The following SLC25A20 variants were observed in gnomAD, a reference collection of about 807,000 sequenced individuals.
The protein encoded by SLC25A20 is solute carrier family 25 member 20.
In SLC25A20, 29 loss-of-function variants were observed where a neutral mutation model predicts 39.7. That is an observed-to-expected ratio of 0.73 (90% CI 0.54 to 1.00). The LOEUF is 1.00. Among genes scored for constraint, SLC25A20 ranks in the 50% least tolerant of loss-of-function variants. The pLI is 0.00. For synonymous variants in SLC25A20, 103 were observed against 142.2 expected (o/e 0.72, Z 1.96); for missense variants, 333 against 379.9 (o/e 0.88, Z 1.03).
At chr3:48,875,703 C>T (rs74781310) in intron 4 of SLC25A20, among the ~76,000 whole-genome samples, 73 of 152,296 alleles carry the variant, frequency 4.8e-4, no homozygotes, top group Middle Eastern at 3.4e-3. Context: ...AGCCACTGTG[C>T]CTGGCCAATG....
intron 8 of SLC25A20, 84 bp downstream of exon 8, chr3:48,858,423 C>T: frequency 6.3e-7 from 1 of 1,591,984 alleles, no homozygotes; most frequent in Non-Finnish European, 8.6e-7. Flanking sequence ...GACCCCAGTC[C>T]TATCCCAGGA....
chr3:48,883,038 A>G (rs1323477698), intron 3 of SLC25A20, among the ~76,000 whole-genome samples: 1 of 150,330 alleles, frequency 6.7e-6, no homozygotes, highest in Non-Finnish European at 1.5e-5. Flanking sequence ...ATACAAAAAA[A>G]AAAAAAATTA....
chr3:48,865,442 C>T (rs939964602), intron 4 of SLC25A20, among the ~76,000 whole-genome samples: 1 of 151,618 alleles, frequency 6.6e-6, no homozygotes, highest in African/African-American at 2.4e-5. Flanking sequence ...AAATTTGAGT[C>T]ATCAGCATAA....
At chr3:48,859,502 G>T in intron 6 of SLC25A20, 53 bp downstream of exon 6, 1 of 1,416,314 alleles carries the variant, frequency 7.1e-7, no homozygotes, top group Non-Finnish European at 1.0e-6. Context: ...CCACAGGAGA[G>T]GGCAACGCAC....
intron 1 of SLC25A20, among the ~76,000 whole-genome samples, chr3:48,896,719 T>C (rs2083912228): frequency 1.3e-5 from 2 of 151,832 alleles, no homozygotes; most frequent in Admixed American, 6.6e-5. Context: ...GATTTCACCA[T>C]GTTGGCCAGG....
chr3:48,879,491 C>G (rs748365084), intron 3 of SLC25A20, 43 bp from the exon 4 acceptor site: 14 of 1,344,602 alleles, frequency 1.0e-5, no homozygotes, highest in Non-Finnish European at 1.5e-5. Context: ...CTGTGACTAA[C>G]CACCGAGGAC....
chr3:48,888,526 G>A (rs897306504), intron 2 of SLC25A20, among the ~76,000 whole-genome samples: 4 of 150,424 alleles, frequency 2.7e-5, no homozygotes, highest in Non-Finnish European at 4.4e-5. Flanking sequence ...CCGAGATTGC[G>A]CCACTGCACT....
intron 4 of SLC25A20, among the ~76,000 whole-genome samples, chr3:48,868,342 A>G (rs1348888221): frequency 6.6e-6 from 1 of 152,114 alleles, no homozygotes; most frequent in Non-Finnish European, 1.5e-5. Flanking sequence ...AGAAGCCATA[A>G]GGGAAAAGAG....
rs190308751 is a variant in SLC25A20, at chr3:48,857,541, C to T, written c.*169G>A. On this transcript the variant is annotated 3_prime_UTR_variant, in exon 9 of 9. Transcript: ENST00000319017. Reference sequence around the variant, plus strand: ...TTTCAAAATGACACACTAAGTTATACACGGTGCAGGATGTCATTAAGGCAA... The same window carrying T: ...TTTCAAAATGACACACTAAGTTATATACGGTGCAGGATGTCATTAAGGCAA... 179 of 655,068 alleles carry T rather than the reference C, an allele frequency of 2.7e-4. 1 individual carries two copies. Among genetic ancestry groups the T allele is most frequent in the African/African-American group, 2.5e-3 (139 of 55,178 alleles). The allele number at this position is 655,068 out of a possible 1,614,324, so 40.6% of individuals were successfully genotyped here. A position where few individuals can be genotyped will look rare whatever the true frequency, so the allele number is the denominator to read the frequency against.
intron 1 of SLC25A20, among the ~76,000 whole-genome samples, chr3:48,897,995 A>T (rs2106671769): frequency 6.6e-6 from 1 of 152,306 alleles, no homozygotes; most frequent in Non-Finnish European, 1.5e-5. Context: ...ACAATTCCTG[A>T]TGAACGTCCT....
chr3:48,887,584 G>A (rs905112792), intron 2 of SLC25A20, among the ~76,000 whole-genome samples: 2 of 152,140 alleles, frequency 1.3e-5, no homozygotes, highest in Admixed American at 1.3e-4. Context: ...CTGGGCACTA[G>A]AGATGTAAGG....
At chr3:48,889,184 A>G (rs1211298897) in intron 2 of SLC25A20, among the ~76,000 whole-genome samples, 4 of 151,554 alleles carry the variant, frequency 2.6e-5, no homozygotes, top group Non-Finnish European at 5.9e-5. Flanking sequence ...TATTATTATT[A>G]ATATTATTCT....
chr3:48,894,520 G>T (rs1197459827), intron 1 of SLC25A20, among the ~76,000 whole-genome samples: 2 of 150,742 alleles, frequency 1.3e-5, no homozygotes, highest in South Asian at 4.2e-4. Context: ...TGATCCACCC[G>T]CCTCGGCCTC....
rs756910774 is a variant in SLC25A20, at chr3:48,898,697, G to C, written c.98C>G (p.Thr33Arg). ...CLVFVGHPLD[T>R]VKVRLQTQPP... ...CGACCCAGCCTCCCGCACCTTGACC[G>C]TGTCCAGAGGGTGACCGACGAACAC... is the stretch of plus-strand genomic sequence containing the variant. The change falls in exon 1 of 9, where the codon ACG becomes AGG. Residue 33 changes from threonine to arginine, a missense_variant. Coordinates refer to ENST00000319017, the MANE Select transcript of SLC25A20 (RefSeq NM_000387.6). 1 of 1,603,714 alleles carries C rather than the reference G, an allele frequency of 6.2e-7. No homozygotes were observed. Among genetic ancestry groups the C allele is most frequent in the Non-Finnish European group, 8.5e-7 (1 of 1,175,834 alleles).
Position 48,857,710 on chromosome 3 carries a change from T to C in SLC25A20, c.906A>G (p.Ter302TrpextTer2), listed in dbSNP as rs939873864. The C allele has an allele frequency of 1.9e-6, 3 of 1,613,626 alleles. No individual in the cohort carries two copies. In the Admixed American group the frequency reaches 5.0e-5, roughly 27 times the overall value. ...KFLNWATPNL[*>W] ...AAGTGAACTTGAGCAGCCTTCAGCCTCACAAGTTGGGGGTGGCCCAATTAA... is the reference window on the plus strand; with the variant it reads ...AAGTGAACTTGAGCAGCCTTCAGCCCCACAAGTTGGGGGTGGCCCAATTAA... Residue 302 changes from the stop codon to tryptophan, a stop_lost, in exon 9 of 9, where the codon TGA becomes TGG. Transcript: ENST00000319017.
intron 4 of SLC25A20, among the ~76,000 whole-genome samples, chr3:48,875,632 A>G (rs2083750330): frequency 6.6e-6 from 1 of 152,056 alleles, no homozygotes; most frequent in Non-Finnish European, 1.5e-5. Context: ...CAGGTCTCAA[A>G]CTGCTGACCT....
chr3:48,898,652 G>A lies in SLC25A20; in HGVS notation c.105+38C>T, dbSNP rs751291739. On this transcript the variant is annotated intron_variant, in intron 1 of 8. Coordinates refer to ENST00000319017, the MANE Select transcript of SLC25A20 (RefSeq NM_000387.6). ...GACCATGCTTTCCGCGCCCCGCCCG[G>A]GCCTCCTCCCCAAAGCCTGCGACCC... 1.7e-5 allele frequency: 26 copies of A among 1,548,476 alleles called. No homozygotes were observed. The South Asian group carries it at 2.6e-4, about 15-fold the overall frequency.
At chr3:48,859,668 T>G in intron 5 of SLC25A20, 41 bp from the exon 6 acceptor site, 1 of 1,486,990 alleles carries the variant, frequency 6.7e-7, no homozygotes, top group Non-Finnish European at 9.4e-7. Context: ...GTACATAAAC[T>G]CTTCGCCAGG....
At chr3:48,883,954 T>C (rs771523331) in intron 3 of SLC25A20, 43 bp downstream of exon 3, 3 of 1,609,548 alleles carry the variant, frequency 1.9e-6, no homozygotes, top group Middle Eastern at 1.7e-4. Flanking sequence ...CATGTCACGC[T>C]ACCAGGCAGA....
Sources: allele counts gnomAD v4.1 joint callset (sites outside exome capture counted in the v4.1 genomes callset), GRCh38; gene constraint gnomAD v4.1.1; transcripts MANE v1.5; gene names NCBI Gene and HGNC (gene_info 2026-07-23, HGNC 2026-07-21).